KLRD1: variants seen among roughly 807,000 people sequenced by gnomAD.
The protein encoded by KLRD1 is natural killer cells antigen CD94.
Under a neutral mutation model 22.6 loss-of-function variants are expected in KLRD1, and 21 were observed. The ratio of observed to expected loss-of-function variants is 0.93; its 90% CI spans 0.66 to 1.34. The LOEUF is 1.34. Among genes scored for constraint, KLRD1 ranks in the 40% most tolerant of loss-of-function variants. The pLI is 0.00. For missense variants in KLRD1, 183 were observed against 208.6 expected, an observed-to-expected ratio of 0.88 and a Z score of 0.76; for synonymous variants, 59 against 71.1, an observed-to-expected ratio of 0.83 and a Z score of 0.85.
intron 1 of KLRD1, among the ~76,000 whole-genome samples, chr12:10,276,759 C>T (rs1565456635): frequency 6.6e-6 from 1 of 151,406 alleles, no homozygotes; most frequent in Non-Finnish European, 1.5e-5. Flanking sequence ...AATTTGAGAG[C>T]CTGATATGAA....
At chr12:10,239,941 T>C (rs113607694) in intron 1 of KLRD1, among the ~76,000 whole-genome samples, 4 of 152,162 alleles carry the variant, frequency 2.6e-5, no homozygotes, top group African/African-American at 9.6e-5. Context: ...TTTTTCTCTT[T>C]CTTAAAACAT....
intron 1 of KLRD1, among the ~76,000 whole-genome samples, chr12:10,251,660 G>C (rs1023031496): frequency 1.1e-4 from 17 of 151,884 alleles, no homozygotes; most frequent in African/African-American, 4.1e-4. Context: ...TGTAGAATCA[G>C]TGGGAGCCCT....
At chr12:10,271,616 G>A (rs927701512) in intron 1 of KLRD1, among the ~76,000 whole-genome samples, 1 of 152,012 alleles carries the variant, frequency 6.6e-6, no homozygotes, top group Non-Finnish European at 1.5e-5. Flanking sequence ...GATATTTGAA[G>A]AACAATGAAC....
At chr12:10,295,089 G>T (rs1473707221) in intron 1 of KLRD1, among the ~76,000 whole-genome samples, 1 of 152,124 alleles carries the variant, frequency 6.6e-6, no homozygotes, top group East Asian at 1.9e-4. Context: ...ATTAAATTTT[G>T]TGCTTTTAGT....
chr12:10,258,270 A>T (rs1457276904), intron 1 of KLRD1, among the ~76,000 whole-genome samples: 1 of 151,948 alleles, frequency 6.6e-6, no homozygotes, highest in East Asian at 1.9e-4. Flanking sequence ...CTGCTCTGTC[A>T]AGTTTCAGTG....
At chr12:10,240,629 G>A (rs4764341) in intron 1 of KLRD1, among the ~76,000 whole-genome samples, 94,968 of 151,780 alleles carry the variant, frequency 0.63, 30,516 homozygotes, top group Admixed American at 0.76. Context: ...ATCAAGGTGA[G>A]TGTGTATCTC....
At chr12:10,284,574 G>A (rs1280651578) in intron 1 of KLRD1, among the ~76,000 whole-genome samples, 2 of 152,110 alleles carry the variant, frequency 1.3e-5, no homozygotes, top group African/African-American at 2.4e-5. Context: ...GGGTTATAGC[G>A]TGAATCATCA....
chr12:10,247,775 A>G (rs952547971), intron 1 of KLRD1, among the ~76,000 whole-genome samples: 1 of 152,098 alleles, frequency 6.6e-6, no homozygotes, highest in African/African-American at 2.4e-5. Context: ...TGATGGTTTT[A>G]TAAGGGGCTT....
chr12:10,282,504 G>A (rs922406027), intron 1 of KLRD1, among the ~76,000 whole-genome samples: 5 of 152,004 alleles, frequency 3.3e-5, no homozygotes, highest in Admixed American at 1.3e-4. Context: ...TGATCCGCCT[G>A]CCTCAGCCTC....
intron 1 of KLRD1, among the ~76,000 whole-genome samples, chr12:10,271,155 A>G (rs1949546526): frequency 6.6e-6 from 1 of 151,958 alleles, no homozygotes. Context: ...GTTAAGAACA[A>G]AACTCCAACT....
intron 1 of KLRD1, among the ~76,000 whole-genome samples, chr12:10,257,577 A>G (rs1949411455): frequency 7.9e-6 from 1 of 126,236 alleles, no homozygotes; most frequent in Non-Finnish European, 1.7e-5. Context: ...TTATATTAAT[A>G]TTTTCTATTT....
upstream of KLRD1, among the ~76,000 whole-genome samples, chr12:10,301,495 C>T (rs1372190288): frequency 6.6e-6 from 1 of 152,116 alleles, no homozygotes; most frequent in African/African-American, 2.4e-5. Context: ...AAAATTCTTG[C>T]CCAGAACAGC....
At chr12:10,276,654 G>A (rs12371403) in intron 1 of KLRD1, among the ~76,000 whole-genome samples, 2,625 of 149,356 alleles carry the variant, frequency 0.018, 41 homozygotes, top group Admixed American at 0.038. Flanking sequence ...TCAGCCTCCC[G>A]AGTAGCTGGG....
intron 1 of KLRD1, among the ~76,000 whole-genome samples, chr12:10,239,523 CTTTCTTTCTTT>C (rs1949219134): frequency 2.2e-4 from 3 of 13,886 alleles, no homozygotes; most frequent in Non-Finnish European, 3.4e-4. Flanking sequence ...CCTCCCCTTT[CTTTCTTTCTTT>C]CTTTCTTTCT....
intron 1 of KLRD1, among the ~76,000 whole-genome samples, chr12:10,270,785 A>AT (rs35919296): frequency 5.0e-4 from 65 of 130,274 alleles, no homozygotes; most frequent in Middle Eastern, 3.9e-3. Context: ...CCCTCCCGTA[A>AT]TTTTTTTTTT....
At chr12:10,299,879 A>G (rs986493863), upstream of KLRD1, among the ~76,000 whole-genome samples, 8 of 152,230 alleles carry the variant, frequency 5.3e-5, no homozygotes, top group African/African-American at 1.9e-4. Context: ...GTATATTCAT[A>G]GGAGTAGATT....
intron 1 of KLRD1, among the ~76,000 whole-genome samples, chr12:10,242,412 C>G (rs1194167832): frequency 6.6e-6 from 1 of 152,124 alleles, no homozygotes; most frequent in Non-Finnish European, 1.5e-5. Flanking sequence ...CATTTTCAAT[C>G]CCTTCTCTCC....
At chr12:10,291,615 C>CT (rs60356564) in intron 1 of KLRD1, among the ~76,000 whole-genome samples, 1 of 145,040 alleles carries the variant, frequency 6.9e-6, no homozygotes, top group African/African-American at 2.6e-5. Context: ...TCAGCCACAT[C>CT]TTTTTTTTTT....
intron 1 of KLRD1, among the ~76,000 whole-genome samples, chr12:10,288,508 G>A (rs746891084): frequency 3.3e-5 from 5 of 152,128 alleles, no homozygotes; most frequent in Non-Finnish European, 7.3e-5. Flanking sequence ...GTAGACAAAG[G>A]TTAGTGAGAC....
Sources: allele counts gnomAD v4.1 joint callset (sites outside exome capture counted in the v4.1 genomes callset), GRCh38; gene constraint gnomAD v4.1.1; transcripts MANE v1.5; gene names NCBI Gene and HGNC (gene_info 2026-07-23, HGNC 2026-07-21).